MGA: variants seen among roughly 807,000 people sequenced by gnomAD.
The protein encoded by MGA is MAX dimerization protein MGA, also known as MAX gene-associated protein.
A neutral mutation model predicts 261.1 loss-of-function variants in MGA; 40 were observed. That is an observed-to-expected ratio of 0.15 (90% confidence interval 0.12 to 0.20). The LOEUF (loss-of-function observed/expected upper bound fraction) is 0.20. Among genes scored for constraint, MGA ranks in the 10% least tolerant of loss-of-function variants. The pLI is 1.00. For missense variants in MGA, 3,397 were observed against 3,630.5 expected (o/e 0.94, Z 1.65); for synonymous variants, 1,302 against 1,290.6 (o/e 1.01, Z -0.19).
At chr15:41,689,309 C>T (rs1189015175) in intron 2 of MGA, among the ~76,000 whole-genome samples, 1 of 151,456 alleles carries the variant, frequency 6.6e-6, no homozygotes, top group Non-Finnish European at 1.5e-5. Context: ...CTCTCTCCCT[C>T]TTCCTTTCTC....
At chr15:41,742,521 T>G in intron 14 of MGA, 25 bp from the exon 15 acceptor site, 1 of 1,602,392 alleles carries the variant, frequency 6.2e-7, no homozygotes, top group Non-Finnish European at 8.5e-7. Flanking sequence ...CTGAAGATTT[T>G]TGACCTGCAA....
intron 18 of MGA, 112 bp downstream of exon 18, chr15:41,754,679 G>A (rs1034544072): frequency 4.8e-6 from 6 of 1,256,154 alleles, no homozygotes; most frequent in Non-Finnish European, 6.3e-6. Flanking sequence ...TCTTCCTCTA[G>A]CTTTTTTTCT....
At chr15:41,622,713 G>T (rs1019493870) in intron 1 of MGA, among the ~76,000 whole-genome samples, 1 of 152,058 alleles carries the variant, frequency 6.6e-6, no homozygotes, top group Admixed American at 6.6e-5. Flanking sequence ...GTTTCCACTT[G>T]GTGGGCTATC....
intron 20 of MGA, 86 bp downstream of exon 20, chr15:41,760,615 G>T (rs2063398030): frequency 7.3e-7 from 1 of 1,363,786 alleles, no homozygotes; most frequent in Non-Finnish European, 1.0e-6. Flanking sequence ...TGACATATAA[G>T]GGAGATTGAA....
chr15:41,754,270 TTC>T (rs1256718107), intron 17 of MGA, among the ~76,000 whole-genome samples, 165 bp from the exon 18 acceptor site: 2 of 152,242 alleles, frequency 1.3e-5, no homozygotes, highest in Non-Finnish European at 2.9e-5. Flanking sequence ...TATGTTATCT[TTC>T]TGTCTTAATT....
intron 19 of MGA, among the ~76,000 whole-genome samples, chr15:41,758,815 CA>C (rs1292858924): frequency 3.9e-5 from 6 of 152,060 alleles, no homozygotes; most frequent in Admixed American, 3.3e-4. Context: ...ATTAAGCAAA[CA>C]GTGTCAGAAA....
At position 41,643,264 on chromosome 15, in the gene MGA, G is replaced by A. The variant is rs540722227; in HGVS notation, c.-68+21966G>A. Reference sequence around the variant, plus strand: ...ATTTTTTATTTTTATTTTTTGAGACGGAGTCTCACGCTGTGGCCCAGGCTG... The same window carrying A: ...ATTTTTTATTTTTATTTTTTGAGACAGAGTCTCACGCTGTGGCCCAGGCTG... On this transcript the variant is annotated intron_variant, in intron 1 of 8. Coordinates refer to the MGA transcript ENST00000566718. 1.5e-3 allele frequency among the ~76,000 whole-genome samples: 218 copies of A among 144,860 alleles called. 1 individual carries two copies. Among genetic ancestry groups the A allele is most frequent in the Middle Eastern group, 7.4e-3 (2 of 270 alleles).
At chr15:41,653,819 TTAAAC>T (rs930520605) in intron 1 of MGA, among the ~76,000 whole-genome samples, 2 of 152,210 alleles carry the variant, frequency 1.3e-5, no homozygotes, top group African/African-American at 4.8e-5. Flanking sequence ...GGAGCTTAGT[TTAAAC>T]TAAGTGTAAC....
At position 41,766,501 on chromosome 15, in the gene MGA, A is replaced by T. The variant is rs541631596; in HGVS notation, c.8419A>T (p.Ser2807Cys). The change falls in exon 24 of 24, where the codon AGT becomes TGT. Residue 2807 changes from serine (S) to cysteine (C), a missense_variant. Ser to Cys is a moderately radical substitution (Grantham distance 112). Around this residue, in one of 9 missense-constraint regions of MGA, gnomAD observed 647 missense variants for 642.4 expected, o/e 1.01. Coordinates refer to ENST00000219905, the MANE Select transcript of MGA (RefSeq NM_001164273.2). ...TATAGAGGAAGCAGCTCTTGATTCCAGTGAACTGCTGACTAACATGGAAGA... is the reference window on the plus strand; with the variant it reads ...TATAGAGGAAGCAGCTCTTGATTCCTGTGAACTGCTGACTAACATGGAAGA... 2.9e-5 allele frequency: 47 copies of T among 1,614,014 alleles called. No individual in the cohort carries two copies. The East Asian group carries it at 7.6e-4, about 26-fold the overall frequency.
intron 2 of MGA, among the ~76,000 whole-genome samples, chr15:41,673,154 A>T (rs905189736): frequency 6.6e-6 from 1 of 151,886 alleles, no homozygotes; most frequent in Admixed American, 6.6e-5. Flanking sequence ...ATATATTCAG[A>T]TATTTATTAC....
intron 2 of MGA, among the ~76,000 whole-genome samples, chr15:41,680,876 C>T (rs147259730): frequency 1.3e-5 from 2 of 152,212 alleles, no homozygotes; most frequent in East Asian, 1.9e-4. Context: ...AGTTCTTTTC[C>T]CCACCCTAGA....
At position 41,748,921 on chromosome 15, in the gene MGA, A is replaced by G. The variant is rs773747491; in HGVS notation, c.5497A>G (p.Asn1833Asp). 1 of 1,613,502 alleles carries G rather than the reference A, an allele frequency of 6.2e-7. No individual in the cohort carries two copies. Among genetic ancestry groups the G allele is most frequent in the Admixed American group, 1.7e-5 (1 of 59,986 alleles). Residue 1833 changes from asparagine (N) to aspartate (D), a missense_variant, in exon 16 of 24, where the codon AAC becomes GAC. Asn to Asp is a conservative substitution (Grantham distance 23). Around this residue, in one of 9 missense-constraint regions of MGA, gnomAD observed 1,410 missense variants for 1,386.4 expected, o/e 1.02. Coordinates refer to ENST00000219905, the MANE Select transcript of MGA (RefSeq NM_001164273.2). ...CAACTTACAGCCTGTCATGTTTCGG[A>G]ACCCAGGTATAAAGTTCTTTTTTAT... is the stretch of plus-strand genomic sequence containing the variant.
At position 41,727,424 on chromosome 15, in the gene MGA, T is replaced by C. The variant is rs964452434; in HGVS notation, c.3657+18T>C. 3 of 1,598,060 alleles carry C rather than the reference T, an allele frequency of 1.9e-6. No individual in the cohort carries two copies. In the Admixed American group the frequency reaches 5.2e-5, roughly 28 times the overall value. On this transcript the variant is annotated intron_variant, in intron 10 of 23. Transcript: ENST00000219905. ...ATCCTGTGGTAAGTCTGGAATTTAATCTTTTATTACAAGTTACCAAAGTCA... is the reference window on the plus strand; with the variant it reads ...ATCCTGTGGTAAGTCTGGAATTTAACCTTTTATTACAAGTTACCAAAGTCA...
chr15:41,639,225 A>C (rs1038833999), intron 1 of MGA, among the ~76,000 whole-genome samples: 14 of 151,346 alleles, frequency 9.3e-5, no homozygotes, highest in Non-Finnish European at 1.9e-4. Flanking sequence ...TCCTTGTCTT[A>C]TGGTTTCTTC....
chr15:41,696,052 C>A, intron 2 of MGA, 23 bp from the exon 3 acceptor site: 1 of 1,492,200 alleles, frequency 6.7e-7, no homozygotes, highest in Non-Finnish European at 9.1e-7. Context: ...CTTTTAAAAT[C>A]CCTTTCTCCT....
At chr15:41,754,619 A>G in intron 18 of MGA, 52 bp downstream of exon 18, 1 of 1,485,986 alleles carries the variant, frequency 6.7e-7, no homozygotes, top group Non-Finnish European at 9.0e-7. Flanking sequence ...GTAACCAGAA[A>G]CAAAATGAGA....
chr15:41,740,881 A>C (rs1195909185), intron 14 of MGA, among the ~76,000 whole-genome samples: 1 of 152,158 alleles, frequency 6.6e-6, no homozygotes, highest in African/African-American at 2.4e-5. Context: ...TCTGTAATAA[A>C]TTACCTTCTT....
At position 41,696,970 on chromosome 15, in the gene MGA, A is replaced by G; in HGVS notation, c.1960A>G (p.Lys654Glu). 6.3e-7 allele frequency: 1 copy of G among 1,598,386 alleles called. No individual in the cohort carries two copies. The highest frequency in any genetic ancestry group is 8.5e-7 in the Non-Finnish European group (1 of 1,173,106). Reference sequence around the variant, plus strand: ...CCCTGGGAGTACCTTTCCAGATGTGAAGCCTGATCTGGAAGATGTGGATGG... The same window carrying G: ...CCCTGGGAGTACCTTTCCAGATGTGGAGCCTGATCTGGAAGATGTGGATGG... Residue 654 changes from lysine to glutamate, a missense_variant, in exon 3 of 24, where the codon AAG (lysine) becomes GAG (glutamate). By Grantham distance (56) the Lys-to-Glu change is moderately conservative (BLOSUM62 1). Transcript: ENST00000219905.
intron 11 of MGA, among the ~76,000 whole-genome samples, chr15:41,732,510 A>G (rs934468151): frequency 2.0e-5 from 3 of 152,172 alleles, no homozygotes; most frequent in East Asian, 1.9e-4. Context: ...TTGAGCCACT[A>G]TAATGCTATC....
Sources: allele counts gnomAD v4.1 joint callset (sites outside exome capture counted in the v4.1 genomes callset), GRCh38; gene constraint gnomAD v4.1.1; regional missense constraint gnomAD v4.1.1; transcripts MANE v1.5; gene names NCBI Gene and HGNC (gene_info 2026-07-23, HGNC 2026-07-21).